The following SEMA7A variants were observed in gnomAD, a reference collection of about 807,000 sequenced individuals.
SEMA7A encodes the protein semaphorin-7A.
In SEMA7A, 21 loss-of-function variants were observed where a neutral mutation model predicts 67.5. The ratio of observed to expected loss-of-function variants is 0.31; its 90% CI spans 0.22 to 0.45. The LOEUF (loss-of-function observed/expected upper bound fraction) is 0.45. Ranked by LOEUF, SEMA7A falls within the 20% of genes least tolerant of loss-of-function variation. SEMA7A has a pLI of 1.00. For missense variants in SEMA7A, 774 were observed against 908.6 expected (o/e 0.85, Z 1.90); for synonymous variants, 364 against 368.5 (o/e 0.99, Z 0.14).
intron 1 of SEMA7A, among the ~76,000 whole-genome samples, chr15:74,430,065 G>A (rs1031053947): frequency 3.9e-5 from 6 of 152,168 alleles, no homozygotes; most frequent in African/African-American, 7.2e-5. Context: ...ACAAGGGCAC[G>A]GAATCATCTT....
At chr15:74,416,736 G>A (rs748607822) in intron 6 of SEMA7A, 22 bp from the exon 7 acceptor site, 1 of 1,612,214 alleles carries the variant, frequency 6.2e-7, no homozygotes, top group Non-Finnish European at 8.5e-7. Flanking sequence ...AGAGGCGAGT[G>A]GGCGTAAGGC....
At position 74,414,444 on chromosome 15, in the gene SEMA7A, C is replaced by T; in HGVS notation, c.1294+103G>A. On this transcript the variant is annotated intron_variant, in intron 10 of 13. Coordinates refer to ENST00000261918, the MANE Select transcript of SEMA7A (RefSeq NM_003612.5). The surrounding 1 kb of genome is among the most constrained non-coding windows in gnomAD (Gnocchi z 4.1). ...GACAACTCCAGTCACTCAATTATTC[C>T]TTCCACATGTAAAGATCCAACCAGA... 8.4e-7 allele frequency: 1 copy of T among 1,185,590 alleles called. No individual in the cohort carries two copies. Among genetic ancestry groups the T allele is most frequent in the Non-Finnish European group, 1.2e-6 (1 of 812,524 alleles). 73.4% of individuals were successfully genotyped at this position (1,185,590 alleles called of 1,614,324 possible).
At chr15:74,424,353 T>C (rs2061025612) in intron 1 of SEMA7A, among the ~76,000 whole-genome samples, 1 of 152,044 alleles carries the variant, frequency 6.6e-6, no homozygotes, top group Admixed American at 6.5e-5. Context: ...CAGGGTGAAG[T>C]CCATGGGTCT....
chr15:74,418,082 G>C (rs2060967843), intron 3 of SEMA7A, 113 bp from the exon 4 acceptor site: 12 of 1,299,480 alleles, frequency 9.2e-6, no homozygotes, highest in East Asian at 4.7e-5. Flanking sequence ...GCTTAGCATA[G>C]GTGACAGCCT....
intron 1 of SEMA7A, among the ~76,000 whole-genome samples, chr15:74,419,425 C>A (rs1180228163): frequency 6.6e-6 from 1 of 152,146 alleles, no homozygotes; most frequent in Non-Finnish European, 1.5e-5. Context: ...CCTTCAAGCA[C>A]CCCCCTTGGA....
At chr15:74,428,226 G>A (rs1403052370) in intron 1 of SEMA7A, among the ~76,000 whole-genome samples, 1 of 152,236 alleles carries the variant, frequency 6.6e-6, no homozygotes, top group Non-Finnish European at 1.5e-5. Context: ...AGACAGCACT[G>A]GGGCGGGAAG....
intron 10 of SEMA7A, among the ~76,000 whole-genome samples, chr15:74,412,737 A>G (rs2060912172): frequency 6.6e-6 from 1 of 152,164 alleles, no homozygotes; most frequent in Non-Finnish European, 1.5e-5. Context: ...TACAGACTTT[A>G]TTTGGATTTC....
At chr15:74,418,360 C>G in intron 2 of SEMA7A, 51 bp from the exon 3 acceptor site, 1 of 1,579,170 alleles carries the variant, frequency 6.3e-7, no homozygotes, top group Non-Finnish European at 8.7e-7. Context: ...TGAGGTACCC[C>G]TGAAATGCTT....
chr15:74,410,872 G>T lies in SEMA7A; in HGVS notation c.1753C>A (p.Gln585Lys). Residue 585 changes from glutamine (Q) to lysine (K), a missense_variant, in exon 14 of 14, where the codon CAG becomes AAG. By Grantham distance (53) the Gln-to-Lys change is moderately conservative (BLOSUM62 1). This residue lies in a region of SEMA7A where 427 missense variants were observed against 555.4 expected (regional missense o/e 0.77). Coordinates refer to ENST00000261918, the MANE Select transcript of SEMA7A (RefSeq NM_003612.5). The surrounding 1 kb of genome is among the most constrained non-coding windows in gnomAD (Gnocchi z 7.5). ...YSWRHKENVE[Q>K]SCEPGHQSPN... ...CTCTGGTGACCAGGTTCGCAGCTCT[G>T]CTCCACGTTCTCCTTGTGGCGCCAT... 6.2e-7 allele frequency: 1 copy of T among 1,614,220 alleles called. No homozygotes were observed. Among genetic ancestry groups the T allele is most frequent in the Non-Finnish European group, 8.5e-7 (1 of 1,180,040 alleles).
Position 74,417,649 on chromosome 15 carries a change from G to T in SEMA7A, c.492C>A (p.Gly164=), listed in dbSNP as rs142309393. 3.7e-6 allele frequency: 6 copies of T among 1,612,108 alleles called. No homozygotes were observed. In the East Asian group the frequency reaches 1.1e-4, roughly 30 times the overall value. ...TGAAGGGGGCGTAGCCTCTCATCTC[G>T]CCAAGTGGCACCACAGTGCCATTCA... ...NLVNGTVVPL[G]EMRGYAPFSP... The change falls in exon 5 of 14, where the codon GGC becomes GGA. Residue 164 remains glycine (G), a synonymous_variant. Coordinates refer to ENST00000261918, the MANE Select transcript of SEMA7A (RefSeq NM_003612.5).
intron 1 of SEMA7A, among the ~76,000 whole-genome samples, chr15:74,422,136 G>A (rs1428427189): frequency 1.3e-5 from 2 of 152,000 alleles, no homozygotes; most frequent in Non-Finnish European, 2.9e-5. Context: ...TGATGGGGGA[G>A]GGAAGATGCA....
At position 74,423,909 on chromosome 15, in the gene SEMA7A, C is replaced by T. The variant is rs368140528; in HGVS notation, c.179-4957G>A. On this transcript the variant is annotated intron_variant, in intron 1 of 13. Coordinates refer to ENST00000261918, the MANE Select transcript of SEMA7A (RefSeq NM_003612.5). The surrounding 1 kb of genome is among the most constrained non-coding windows in gnomAD (Gnocchi z 4.1). ...GGTCATGGTTGCAGGTGGGTCCTGG[C>T]AACTCTCAGGCAGGGTTAGGTTCTA... 6.6e-6 allele frequency among the ~76,000 whole-genome samples: 1 copy of T among 152,200 alleles called. No homozygotes were observed. The highest frequency in any genetic ancestry group is 1.5e-5 in the Non-Finnish European group (1 of 68,036).
chr15:74,410,171 C>T lies in SEMA7A; in HGVS notation c.*453G>A, dbSNP rs1392216634. The T allele has an allele frequency of 6.2e-6, 1 of 161,756 alleles. No homozygotes were observed. The highest frequency in any genetic ancestry group is 6.2e-5 in the Admixed American group (1 of 16,042). The allele number at this position is 161,756 out of a possible 1,614,324, so 10.0% of individuals were successfully genotyped here. On this transcript the variant is annotated 3_prime_UTR_variant, in exon 14 of 14. Coordinates refer to ENST00000261918, the MANE Select transcript of SEMA7A (RefSeq NM_003612.5). The surrounding 1 kb of genome is among the most constrained non-coding windows in gnomAD (Gnocchi z 7.5). The stretch of plus-strand genomic sequence containing the variant: ...AGCCCTGGGTCTTCAGGAACACCAG[C>T]CACCCAGCCATGAGAGAGGGAGGGG...
chr15:74,433,143 C>G (rs2061104836), intron 1 of SEMA7A, among the ~76,000 whole-genome samples: 1 of 152,070 alleles, frequency 6.6e-6, no homozygotes, highest in South Asian at 2.1e-4. Flanking sequence ...TACCCCAAGC[C>G]GCCGCACCGC....
chr15:74,421,314 G>A (rs890203273), intron 1 of SEMA7A, among the ~76,000 whole-genome samples: 1 of 152,190 alleles, frequency 6.6e-6, no homozygotes, highest in East Asian at 1.9e-4. Flanking sequence ...TGCCCACAAA[G>A]TATCTGCTGA....
chr15:74,419,028 A>T, intron 1 of SEMA7A, 76 bp from the exon 2 acceptor site: 1 of 1,519,128 alleles, frequency 6.6e-7, no homozygotes, highest in East Asian at 2.3e-5. Context: ...TCCACATGGC[A>T]CACTGGAACC....
At chr15:74,418,467 A>T (rs1165566790) in intron 2 of SEMA7A, among the ~76,000 whole-genome samples, 158 bp from the exon 3 acceptor site, 1 of 152,142 alleles carries the variant, frequency 6.6e-6, no homozygotes, top group African/African-American at 2.4e-5. Flanking sequence ...GATCTACCTG[A>T]GGTCAAACAG....
At position 74,417,371 on chromosome 15, in the gene SEMA7A, C is replaced by G. The variant is rs767503529; in HGVS notation, c.625G>C (p.Glu209Gln). The G allele has an allele frequency of 6.2e-7, 1 of 1,614,042 alleles. No individual in the cohort carries two copies. The highest frequency in any genetic ancestry group is 2.2e-5 in the East Asian group (1 of 44,884). Reference sequence around the variant, plus strand: ...GTATCACTGGTGTACAGCTCACTCTCGCCCCGGATGCGGCGGAACCGAGGG... The same window carrying G: ...GTATCACTGGTGTACAGCTCACTCTGGCCCCGGATGCGGCGGAACCGAGGG... ...KIPRFRRIRG[E>Q]SELYTSDTVM... Residue 209 changes from glutamate (E) to glutamine (Q), a missense_variant, in exon 6 of 14, where the codon GAG (glutamate) becomes CAG (glutamine). Transcript: ENST00000261918.
chr15:74,415,753 G>A (rs560084362), intron 8 of SEMA7A, 48 bp downstream of exon 8: 2 of 1,552,516 alleles, frequency 1.3e-6, no homozygotes, highest in Non-Finnish European at 1.7e-6. Context: ...TGTCCCTACT[G>A]GACACTGAAC....
Sources: gnomAD v4.1 joint callset for allele counts (sites outside exome capture counted in the v4.1 genomes callset) on GRCh38, gnomAD v4.1.1 for gene constraint, gnomAD v4.1.1 regional missense constraint, Gnocchi (gnomAD v3.1) non-coding constraint, MANE v1.5 for transcripts, NCBI Gene and HGNC (gene_info 2026-07-23, HGNC 2026-07-21) for gene names.